CACNA1D: variants seen among roughly 807,000 people sequenced by gnomAD.
CACNA1D encodes the protein voltage-dependent L-type calcium channel subunit alpha-1D.
In CACNA1D, 55 loss-of-function variants were observed where a neutral mutation model predicts 257.1. The ratio of observed to expected loss-of-function variants is 0.21; its 90% confidence interval spans 0.17 to 0.27. The LOEUF is 0.27. Among genes scored for constraint, CACNA1D ranks in the 10% least tolerant of loss-of-function variants. The pLI, the probability that CACNA1D is intolerant of heterozygous loss-of-function variation, is 1.00. For missense variants in CACNA1D, 1,876 were observed against 2,784.0 expected (o/e 0.67, Z 7.34); for synonymous variants, 980 against 1,014.9 (o/e 0.97, Z 0.65).
At chr3:53,649,423 G>A (rs753798347) in intron 3 of CACNA1D, among the ~76,000 whole-genome samples, 2 of 152,106 alleles carry the variant, frequency 1.3e-5, no homozygotes, top group Non-Finnish European at 2.9e-5. Context: ...GGCAGGGGTG[G>A]CCTGATGGGA....
chr3:53,784,942 G>A (rs2095445036), intron 39 of CACNA1D, among the ~76,000 whole-genome samples: 1 of 152,176 alleles, frequency 6.6e-6, no homozygotes, highest in Admixed American at 6.5e-5. Flanking sequence ...GTCCCGGCTT[G>A]ACTGAGCTGG....
At chr3:53,647,362 T>C (rs2094033224) in intron 3 of CACNA1D, among the ~76,000 whole-genome samples, 1 of 152,216 alleles carries the variant, frequency 6.6e-6, no homozygotes, top group African/African-American at 2.4e-5. Context: ...GTACAGCTCC[T>C]GCTCAGGCCT....
Position 53,723,849 on chromosome 3 carries a change from CG to C in CACNA1D, c.1951del (p.Ala651LeufsTer52). ...ASLLNSMKSI[A>X]SLLLLLFLFI... ...CCTTATTAAACTCCATGAAGTCCAT[CG>C]CTTCGCTGTTGCTTCTGCTTTTTCT... On this transcript the variant is annotated frameshift_variant, in exon 14 of 48. Coordinates refer to ENST00000350061, the MANE Select transcript of CACNA1D (RefSeq NM_001128840.3). LOFTEE classifies it high-confidence loss of function. The surrounding 1 kb of genome is among the most constrained non-coding windows in gnomAD (Gnocchi z 5.6). 6.2e-7 allele frequency: 1 copy of C among 1,614,166 alleles called. No homozygotes were observed. The highest frequency in any genetic ancestry group is 8.5e-7 in the Non-Finnish European group (1 of 1,179,992).
At chr3:53,507,443 T>TC (rs1264603262) in intron 3 of CACNA1D, among the ~76,000 whole-genome samples, 4 of 136,548 alleles carry the variant, frequency 2.9e-5, no homozygotes, top group South Asian at 2.4e-4. Context: ...ATTCCATGTC[T>TC]CCCCCCGCCA....
At chr3:53,716,646 T>A (rs1429417021) in intron 9 of CACNA1D, among the ~76,000 whole-genome samples, 3 of 152,164 alleles carry the variant, frequency 2.0e-5, no homozygotes, top group Non-Finnish European at 4.4e-5. Context: ...TTGTAATTGG[T>A]TTCTTCTCAC....
At chr3:53,577,647 G>C (rs185644830) in intron 3 of CACNA1D, among the ~76,000 whole-genome samples, 57 of 152,196 alleles carry the variant, frequency 3.7e-4, no homozygotes, top group Admixed American at 1.2e-3. Context: ...CAGAAACGGA[G>C]GTTCTCACCA....
chr3:53,673,562 G>GA lies in CACNA1D; in HGVS notation c.1220+451dup, dbSNP rs10707009. 48,061 of 576,940 alleles carry GA rather than the reference G, an allele frequency of 0.083. No homozygotes were observed. The highest frequency in any genetic ancestry group is 0.098 in the Non-Finnish European group (31,534 of 322,878). 35.7% of individuals were successfully genotyped at this position (576,940 alleles called of 1,614,324 possible). A position where few individuals can be genotyped will look rare whatever the true frequency, so the allele number is the denominator to read the frequency against. On this transcript the variant is annotated intron_variant, in intron 8 of 47. Transcript: ENST00000350061. The surrounding 1 kb of genome is among the most constrained non-coding windows in gnomAD (Gnocchi z 4.1). ...GCCGCTGAGCTTGTCCTTATTTGCA[G>GA]AAAAAAAAAAAAAAAGGGAAGGACC...
intron 30 of CACNA1D, among the ~76,000 whole-genome samples, chr3:53,769,666 G>A (rs576344012): frequency 2.8e-4 from 43 of 152,216 alleles, no homozygotes; most frequent in Non-Finnish European, 5.0e-4. Context: ...GCCTCCTCGC[G>A]AGAAGCGGGG....
chr3:53,803,294 T>TG, intron 43 of CACNA1D, 129 bp from the exon 44 acceptor site: 1 of 954,998 alleles, frequency 1.0e-6, no homozygotes, highest in Non-Finnish European at 1.7e-6. Flanking sequence ...CAGTGCTGCC[T>TG]GAGGCAGGTG....
intron 3 of CACNA1D, among the ~76,000 whole-genome samples, chr3:53,550,439 C>T (rs2092508111): frequency 6.6e-6 from 1 of 152,220 alleles, no homozygotes; most frequent in Admixed American, 6.5e-5. Context: ...GAACCTCTCA[C>T]CCTGCATTCC....
chr3:53,796,221 C>T (rs933034180), intron 40 of CACNA1D: 12 of 397,326 alleles, frequency 3.0e-5, no homozygotes, highest in Admixed American at 1.1e-4. Context: ...TTGTCACCAG[C>T]GAGACGACTG....
intron 45 of CACNA1D, among the ~76,000 whole-genome samples, chr3:53,805,721 C>A (rs2095559116): frequency 6.6e-6 from 1 of 151,088 alleles, no homozygotes; most frequent in African/African-American, 2.4e-5. Context: ...CCCTCCTCCT[C>A]CTCCATCTTC....
intron 45 of CACNA1D, 88 bp downstream of exon 45, chr3:53,805,234 T>C (rs2095556371): frequency 7.8e-7 from 1 of 1,278,512 alleles, no homozygotes; most frequent in Non-Finnish European, 1.1e-6. Context: ...CGGTGATGGA[T>C]GTGTGCTGCC....
At chr3:53,727,366 T>G (rs2108744604) in intron 15 of CACNA1D, among the ~76,000 whole-genome samples, 1 of 152,302 alleles carries the variant, frequency 6.6e-6, no homozygotes, top group East Asian at 1.9e-4. Context: ...TATTGGGAGC[T>G]TAGGCGTCCA....
chr3:53,523,644 G>A (rs2091659839), intron 3 of CACNA1D, among the ~76,000 whole-genome samples: 2 of 152,184 alleles, frequency 1.3e-5, no homozygotes, highest in African/African-American at 4.8e-5. Context: ...ACATTGCCCA[G>A]GCTTAGATTT....
At chr3:53,749,514 C>T (rs753510342) in intron 27 of CACNA1D, 45 bp downstream of exon 27, 10 of 1,346,850 alleles carry the variant, frequency 7.4e-6, no homozygotes, top group South Asian at 7.0e-5. Flanking sequence ...TGGTCAGGAG[C>T]GGAGTGCCTT....
intron 7 of CACNA1D, among the ~76,000 whole-genome samples, chr3:53,667,460 A>G (rs181607981): frequency 6.8e-4 from 103 of 152,348 alleles, no homozygotes; most frequent in African/African-American, 2.2e-3. Flanking sequence ...GATTCCAATC[A>G]TGAGTTGTTA....
chr3:53,630,204 C>G (rs2093807059), intron 3 of CACNA1D, among the ~76,000 whole-genome samples: 1 of 152,226 alleles, frequency 6.6e-6, no homozygotes, highest in Non-Finnish European at 1.5e-5. Context: ...ATCTACTGAT[C>G]AGCATATCCA....
Position 53,534,120 on chromosome 3 carries a change from G to A in CACNA1D, c.483+32400G>A, listed in dbSNP as rs142261653. The stretch of plus-strand genomic sequence containing the variant: ...GGGAAGGCCTCCTTGGATACCTCTC[G>A]ACAGTAATTCCAGGTACTTGAGCTC... On this transcript the variant is annotated intron_variant, in intron 3 of 47. Coordinates refer to ENST00000350061, the MANE Select transcript of CACNA1D (RefSeq NM_001128840.3). 6.6e-3 allele frequency among the ~76,000 whole-genome samples: 1,006 copies of A among 152,212 alleles called. 6 individuals are homozygous for A. The highest frequency in any genetic ancestry group is 0.023 in the African/African-American group (940 of 41,544).
Sources: allele counts gnomAD v4.1 joint callset (sites outside exome capture counted in the v4.1 genomes callset), GRCh38; gene constraint gnomAD v4.1.1; non-coding constraint Gnocchi (gnomAD v3.1); transcripts MANE v1.5; gene names NCBI Gene and HGNC (gene_info 2026-07-23, HGNC 2026-07-21).